Variants in PTPRM observed in about 807,000 individuals in gnomAD.
PTPRM encodes the protein receptor-type tyrosine-protein phosphatase mu.
A neutral mutation model predicts 186.7 loss-of-function variants in PTPRM; 47 were observed. The observed-to-expected ratio is 0.25, with a 90% CI of 0.20 to 0.32. PTPRM has a LOEUF of 0.32. PTPRM is among the 10% of genes least tolerant of loss of function. The pLI, the probability that PTPRM is intolerant of heterozygous loss-of-function variation, is 1.00. For missense variants in PTPRM, 1,494 were observed against 1,865.0 expected (o/e 0.80, Z 3.66); for synonymous variants, 668 against 674.9 (o/e 0.99, Z 0.16).
At chr18:7,930,080 T>C (rs1187409601) in intron 5 of PTPRM, among the ~76,000 whole-genome samples, 1 of 152,108 alleles carries the variant, frequency 6.6e-6, no homozygotes, top group Non-Finnish European at 1.5e-5. Flanking sequence ...ATTTACAATA[T>C]TTTTTTGAGA....
chr18:7,782,735 A>G (rs1422363593), intron 2 of PTPRM, among the ~76,000 whole-genome samples: 5 of 152,198 alleles, frequency 3.3e-5, no homozygotes, highest in Admixed American at 1.3e-4. Context: ...AATGTTTTCA[A>G]TGATTCAGTT....
intron 12 of PTPRM, among the ~76,000 whole-genome samples, chr18:8,114,147 A>G (rs1041028773): frequency 2.6e-5 from 4 of 152,202 alleles, no homozygotes; most frequent in Admixed American, 2.6e-4. Context: ...CTGTCCCATT[A>G]AAGAAATGGG....
intron 7 of PTPRM, among the ~76,000 whole-genome samples, chr18:8,004,789 C>T (rs2084079472): frequency 6.6e-6 from 1 of 152,106 alleles, no homozygotes; most frequent in South Asian, 2.1e-4. Flanking sequence ...GTGGCTCGTG[C>T]CACAAGTTGG....
chr18:8,130,497 A>G (rs2092477305), intron 13 of PTPRM, among the ~76,000 whole-genome samples: 1 of 152,232 alleles, frequency 6.6e-6, no homozygotes, highest in Non-Finnish European at 1.5e-5. Flanking sequence ...CTTTATTAGA[A>G]AGATCAAAAG....
chr18:8,386,992 A>T (rs2095779211), intron 30 of PTPRM, 80 bp from the exon 31 acceptor site: 1 of 1,371,688 alleles, frequency 7.3e-7, no homozygotes. Context: ...AAGATCAAGT[A>T]AGTGGAATCA....
chr18:7,699,806 C>T (rs1164079512), intron 1 of PTPRM, among the ~76,000 whole-genome samples: 2 of 151,756 alleles, frequency 1.3e-5, no homozygotes, highest in Non-Finnish European at 2.9e-5. Flanking sequence ...CACCAATATA[C>T]TCTGTGATTT....
intron 19 of PTPRM, among the ~76,000 whole-genome samples, chr18:8,272,917 A>G (rs1041120402): frequency 1.3e-5 from 2 of 152,288 alleles, no homozygotes; most frequent in South Asian, 2.1e-4. Flanking sequence ...TAGAATTGCT[A>G]TCTTTTAAAG....
intron 7 of PTPRM, among the ~76,000 whole-genome samples, chr18:7,981,129 T>C (rs1384413533): frequency 6.6e-6 from 1 of 152,122 alleles, no homozygotes; most frequent in Non-Finnish European, 1.5e-5. Flanking sequence ...ACACCTCCTC[T>C]CCCGCTGGTT....
chr18:7,740,536 A>G (rs761088362), intron 1 of PTPRM, among the ~76,000 whole-genome samples: 1 of 152,144 alleles, frequency 6.6e-6, no homozygotes, highest in Non-Finnish European at 1.5e-5. Flanking sequence ...CTCCTGCTTC[A>G]GCCTCTCCAG....
chr18:8,079,449 C>T (rs906326215), intron 9 of PTPRM, among the ~76,000 whole-genome samples: 4 of 152,214 alleles, frequency 2.6e-5, no homozygotes, highest in South Asian at 2.1e-4. Context: ...TCCTTGCTTC[C>T]GAATTTTACT....
intron 14 of PTPRM, among the ~76,000 whole-genome samples, chr18:8,219,953 A>G (rs992023384): frequency 1.3e-5 from 2 of 152,154 alleles, no homozygotes; most frequent in Non-Finnish European, 2.9e-5. Context: ...ATGCTGGTCA[A>G]TTATTGTGCC....
intron 7 of PTPRM, among the ~76,000 whole-genome samples, chr18:8,033,503 G>C (rs548021912): frequency 6.6e-6 from 1 of 152,252 alleles, no homozygotes; most frequent in South Asian, 2.1e-4. Flanking sequence ...CAGGGTATAT[G>C]GTGTGGCCCA....
chr18:8,350,228 T>C (rs924923413), intron 23 of PTPRM, among the ~76,000 whole-genome samples: 60 of 152,214 alleles, frequency 3.9e-4, no homozygotes, highest in African/African-American at 1.2e-3. Flanking sequence ...AGACTGTCTT[T>C]GTGTCCCATA....
intron 1 of PTPRM, among the ~76,000 whole-genome samples, chr18:7,699,746 A>G (rs2039920865): frequency 6.7e-6 from 1 of 149,440 alleles, no homozygotes; most frequent in African/African-American, 2.5e-5. Flanking sequence ...TTTTTTTAAT[A>G]GTTAACATTT....
intron 7 of PTPRM, among the ~76,000 whole-genome samples, chr18:8,004,438 C>A (rs1187562159): frequency 2.7e-5 from 4 of 150,700 alleles, no homozygotes; most frequent in Non-Finnish European, 5.9e-5. Context: ...TTTTGACTGG[C>A]TGTTTGCCTG....
At chr18:8,326,564 A>G (rs999752413) in intron 22 of PTPRM, among the ~76,000 whole-genome samples, 2 of 152,238 alleles carry the variant, frequency 1.3e-5, no homozygotes, top group Admixed American at 6.5e-5. Flanking sequence ...CCAAAACAGC[A>G]TGGTACTGGT....
At chr18:8,284,940 T>C (rs928966480) in intron 19 of PTPRM, among the ~76,000 whole-genome samples, 1 of 152,232 alleles carries the variant, frequency 6.6e-6, no homozygotes, top group Non-Finnish European at 1.5e-5. Context: ...TTCTGATTTA[T>C]AATTATCATG....
intron 14 of PTPRM, among the ~76,000 whole-genome samples, chr18:8,242,056 C>A (rs143766941): frequency 6.6e-6 from 1 of 152,216 alleles, no homozygotes; most frequent in African/African-American, 2.4e-5. Context: ...ATATATCCCT[C>A]CCAGCCAACC....
At chr18:8,350,083 A>C (rs1051035556) in intron 23 of PTPRM, among the ~76,000 whole-genome samples, 2 of 152,196 alleles carry the variant, frequency 1.3e-5, no homozygotes, top group African/African-American at 4.8e-5. Context: ...CCCTACCAAT[A>C]GGAGCTACAG....
Sources: gnomAD v4.1 joint callset for allele counts (sites outside exome capture counted in the v4.1 genomes callset) on GRCh38, gnomAD v4.1.1 for gene constraint, MANE v1.5 for transcripts, NCBI Gene and HGNC (gene_info 2026-07-23, HGNC 2026-07-21) for gene names.